The following SSBP4 variants were observed in gnomAD, a reference collection of about 807,000 sequenced individuals.
The protein encoded by SSBP4 is single-stranded DNA-binding protein 4.
A neutral mutation model predicts 64.6 loss-of-function variants in SSBP4; 33 were observed. That is an observed-to-expected ratio of 0.51 (90% confidence interval 0.39 to 0.68). The LOEUF (loss-of-function observed/expected upper bound fraction) is 0.68, where lower values mean the gene tolerates loss of function less well. Ranked by LOEUF, SSBP4 falls within the 30% of genes least tolerant of loss-of-function variation. The probability of loss-of-function intolerance (pLI) is 0.00; values close to 1 mark genes in which losing one functional copy is unlikely to be tolerated. For missense variants in SSBP4, 583 were observed against 566.8 expected (o/e 1.03, Z -0.29); for synonymous variants, 243 against 224.0 (o/e 1.08, Z -0.76).
the SSBP4 span, among the ~76,000 whole-genome samples, chr19:18,412,114 G>A: frequency 6.6e-6 from 1 of 151,956 alleles, no homozygotes; most frequent in Non-Finnish European, 1.5e-5. Context: ...GCAGTGAGCT[G>A]TGATTGTGCC....
chr19:18,416,226 G>A (rs1972129611), upstream of SSBP4, among the ~76,000 whole-genome samples: 1 of 152,068 alleles, frequency 6.6e-6, no homozygotes, highest in South Asian at 2.1e-4. Context: ...TGTTGTTTAG[G>A]CTGGTCTCGA....
At chr19:18,414,450 C>T (rs905443106), upstream of SSBP4, among the ~76,000 whole-genome samples, 2 of 152,122 alleles carry the variant, frequency 1.3e-5, no homozygotes, top group African/African-American at 4.8e-5. Flanking sequence ...ATGATTGTGC[C>T]GCTGCACTCC....
intron 10 of SSBP4, 54 bp downstream of exon 10, chr19:18,432,268 C>A: frequency 6.3e-7 from 1 of 1,591,744 alleles, no homozygotes; most frequent in Non-Finnish European, 8.6e-7. Context: ...CCACCAGCTT[C>A]ATGGCTGGGT....
At chr19:18,424,829 C>T (rs1225423925) in intron 1 of SSBP4, among the ~76,000 whole-genome samples, 1 of 142,106 alleles carries the variant, frequency 7.0e-6, no homozygotes, top group Non-Finnish European at 1.5e-5. Flanking sequence ...GGACAGGATG[C>T]ATGTGTAAAG....
At position 18,432,804 on chromosome 19, in the gene SSBP4, C is replaced by G. The variant is rs200954831; in HGVS notation, c.787-25C>G. 8.1e-5 allele frequency: 130 copies of G among 1,613,832 alleles called. No individual in the cohort carries two copies. In the African/African-American group the frequency reaches 1.4e-3, roughly 17 times the overall value. ...GGATGGCAGATGAGGGGCCATTTCT[C>G]ACGGTTCCTGTCTCTTGTGTGCAGG... On this transcript the variant is annotated intron_variant, in intron 12 of 17. Transcript: ENST00000270061.
the SSBP4 span, among the ~76,000 whole-genome samples, chr19:18,410,771 A>C: frequency 6.6e-6 from 1 of 151,890 alleles, no homozygotes; most frequent in East Asian, 1.9e-4. Context: ...TGCTACATTG[A>C]GTCTCTGCTG....
At chr19:18,424,882 A>AG (rs889856060) in intron 1 of SSBP4, among the ~76,000 whole-genome samples, 8 of 104,528 alleles carry the variant, frequency 7.7e-5, no homozygotes, top group African/African-American at 2.6e-4. Flanking sequence ...AGAATGGGGA[A>AG]GGGGTGGGGG....
chr19:18,419,077 G>T, upstream of SSBP4: 1 of 985,642 alleles, frequency 1.0e-6, no homozygotes, highest in Non-Finnish European at 1.2e-6. Context: ...GCTGTGTGGA[G>T]CGCTATGTTG....
the SSBP4 span, among the ~76,000 whole-genome samples, chr19:18,404,821 G>C: frequency 6.8e-6 from 1 of 147,584 alleles, no homozygotes; most frequent in Non-Finnish European, 1.5e-5. Context: ...GAACCTGGGA[G>C]GCAGAGCTTG....
the SSBP4 span, among the ~76,000 whole-genome samples, chr19:18,404,165 G>A: frequency 2.0e-5 from 3 of 151,846 alleles, no homozygotes; most frequent in Middle Eastern, 3.2e-3. Flanking sequence ...AAACCTCAGA[G>A]ACCCCCAAGA....
At chr19:18,429,928 C>G (rs938314126) in intron 4 of SSBP4, among the ~76,000 whole-genome samples, 1 of 152,064 alleles carries the variant, frequency 6.6e-6, no homozygotes, top group African/African-American at 2.4e-5. Context: ...AGGAGCCCTC[C>G]TCTAGGCAGG....
intron 4 of SSBP4, among the ~76,000 whole-genome samples, chr19:18,428,907 T>C (rs1973076654): frequency 2.6e-5 from 4 of 152,190 alleles, no homozygotes; most frequent in Admixed American, 2.6e-4. Flanking sequence ...CGGGGGTGTC[T>C]GGAGCTGTGG....
In SSBP4 at chr19:18,432,895, TAA is replaced by T. The variant is rs766586613; in HGVS notation, c.841+13_841+14del. 48 of 1,613,780 alleles carry T rather than the reference TAA, an allele frequency of 3.0e-5. No individual in the cohort carries two copies. The highest frequency in any genetic ancestry group is 1.0e-4 in the Admixed American group (6 of 60,002). ...GCCTAGCCCTGGAGGTATGGCCTAG[TAA>T]GAGGTGGGGGTGTGCTAGGGTGGGT... is the stretch of plus-strand genomic sequence containing the variant. On this transcript the variant is annotated intron_variant, in intron 13 of 17. Transcript: ENST00000270061.
In SSBP4 at chr19:18,419,476, C is replaced by G; in HGVS notation, c.-173C>G. The G allele has an allele frequency of 9.3e-7, 1 of 1,078,930 alleles. No homozygotes were observed. The highest frequency in any genetic ancestry group is 1.1e-6 in the Non-Finnish European group (1 of 891,224). 66.8% of individuals were successfully genotyped at this position (1,078,930 alleles called of 1,614,324 possible). A position where few individuals can be genotyped will look rare whatever the true frequency, so the allele number is the denominator to read the frequency against. On this transcript the variant is annotated 5_prime_UTR_variant, in exon 1 of 18. Transcript: ENST00000270061. ...GCCGGGGCCGGAGCTGGAGCCGCCG[C>G]TGCCGCCGCCGCCGCGGCCGTCTGG...
chr19:18,424,790 G>C (rs1475065476), intron 1 of SSBP4, among the ~76,000 whole-genome samples: 3 of 151,428 alleles, frequency 2.0e-5, no homozygotes, highest in Admixed American at 6.6e-5. Context: ...ACAGGTGCAC[G>C]CCTGTGCGCA....
In SSBP4 at chr19:18,426,289, G is replaced by A. The variant is rs1371247746; in HGVS notation, c.60-1062G>A. On this transcript the variant is annotated intron_variant, in intron 1 of 17. Coordinates refer to ENST00000270061, the MANE Select transcript of SSBP4 (RefSeq NM_032627.5). This position sits in a 1 kb window ranked among gnomAD's most constrained non-coding sequence, Gnocchi z 4.5. ...AGGGCGGCGCAGCTGAGCTGGAGGC[G>A]GCTGTGGAAGGGCCCCCAGGCCTGC... is the stretch of plus-strand genomic sequence containing the variant. Among the ~76,000 whole-genome samples, 3 of 152,292 alleles carry A rather than the reference G, an allele frequency of 2.0e-5. No individual in the cohort carries two copies. Among genetic ancestry groups the A allele is most frequent in the East Asian group, 1.9e-4 (1 of 5,188 alleles).
chr19:18,413,719 C>T, the SSBP4 span, among the ~76,000 whole-genome samples: 13 of 151,414 alleles, frequency 8.6e-5, no homozygotes, highest in Non-Finnish European at 1.5e-4. Context: ...TGTCCTTAGA[C>T]GGGGCATTCC....
At chr19:18,421,447 A>C (rs1240795822) in intron 1 of SSBP4, among the ~76,000 whole-genome samples, 10 of 152,148 alleles carry the variant, frequency 6.6e-5, no homozygotes, top group Admixed American at 6.5e-4. Context: ...CCACCCACCC[A>C]GTGGGAATCG....
chr19:18,422,065 G>A (rs1243279842), intron 1 of SSBP4, among the ~76,000 whole-genome samples: 1 of 152,206 alleles, frequency 6.6e-6, no homozygotes, highest in African/African-American at 2.4e-5. Flanking sequence ...GGAGGCTGAG[G>A]TGAAAGGATC....
Sources: gnomAD v4.1 joint callset for allele counts (sites outside exome capture counted in the v4.1 genomes callset) on GRCh38, gnomAD v4.1.1 for gene constraint, Gnocchi (gnomAD v3.1) non-coding constraint, MANE v1.5 for transcripts, NCBI Gene and HGNC (gene_info 2026-07-23, HGNC 2026-07-21) for gene names.